The following RYR3 variants were observed in gnomAD, a reference collection of about 807,000 sequenced individuals.
The protein encoded by RYR3 is ryanodine receptor 3.
RYR3 carries 207 observed loss-of-function variants against 584.3 expected under a neutral mutation model. The observed-to-expected ratio is 0.35, with a 90% CI of 0.32 to 0.40. RYR3 has a LOEUF of 0.40. RYR3 is among the 10% of genes least tolerant of loss of function. The pLI is 1.00. For synonymous variants in RYR3, 2,416 were observed against 2,248.5 expected, an observed-to-expected ratio of 1.07 and a Z score of -2.11; for missense variants, 5,616 against 6,089.2, an observed-to-expected ratio of 0.92 and a Z score of 2.59.
chr15:33,760,923 C>G (rs1205237810), intron 60 of RYR3, among the ~76,000 whole-genome samples: 1 of 152,162 alleles, frequency 6.6e-6, no homozygotes, highest in Non-Finnish European at 1.5e-5. Flanking sequence ...TGCAATCAAA[C>G]TAGAACTCAG....
chr15:33,664,715 T>C (rs373926170), intron 36 of RYR3, among the ~76,000 whole-genome samples: 2 of 151,504 alleles, frequency 1.3e-5, no homozygotes, highest in African/African-American at 4.8e-5. Flanking sequence ...TTGTTTGGAT[T>C]GCTTAGCATG....
At chr15:33,494,826 C>A (rs1218791566) in intron 2 of RYR3, among the ~76,000 whole-genome samples, 1 of 152,132 alleles carries the variant, frequency 6.6e-6, no homozygotes, top group Non-Finnish European at 1.5e-5. Flanking sequence ...TAGCAAAATA[C>A]CTTTTTAATT....
At chr15:33,574,032 A>T (rs754274625) in intron 12 of RYR3, among the ~76,000 whole-genome samples, 1 of 152,164 alleles carries the variant, frequency 6.6e-6, no homozygotes, top group Non-Finnish European at 1.5e-5. Flanking sequence ...GACCTGAAGT[A>T]CCCTGGCAAT....
At chr15:33,818,753 C>T (rs1485962335) in intron 76 of RYR3, 69 bp downstream of exon 76, 22 of 1,111,992 alleles carry the variant, frequency 2.0e-5, no homozygotes, top group Non-Finnish European at 2.8e-5. Flanking sequence ...TGACCTTCTT[C>T]TCTCAGACGG....
intron 1 of RYR3, among the ~76,000 whole-genome samples, chr15:33,388,584 T>C (rs756798322): frequency 2.4e-4 from 36 of 152,264 alleles, no homozygotes; most frequent in Non-Finnish European, 4.1e-4. Context: ...CAAGGACAAG[T>C]ATAAATCCCA....
Position 33,739,856 on chromosome 15 carries a change from A to G in RYR3, c.7681A>G (p.Met2561Val). The part of the protein sequence containing the change: ...HKKYDPDLFR[M>V]ALPCLSAIAG... ...GAAATATGACCCAGATCTTTTCCGAATGGCCCTGCCTTGTCTCAGTGCTAT... is the reference window on the plus strand; with the variant it reads ...GAAATATGACCCAGATCTTTTCCGAGTGGCCCTGCCTTGTCTCAGTGCTAT... Residue 2561 changes from methionine to valine, a missense_variant, in exon 51 of 104, where the codon ATG (methionine) becomes GTG (valine). Around this residue, in one of 9 missense-constraint regions of RYR3, gnomAD observed 1,280 missense variants for 1,426.2 expected, o/e 0.90. Transcript: ENST00000634891. 6.2e-7 allele frequency: 1 copy of G among 1,613,502 alleles called. No homozygotes were observed. Among genetic ancestry groups the G allele is most frequent in the Non-Finnish European group, 8.5e-7 (1 of 1,179,740 alleles).
At chr15:33,859,847 T>A in intron 100 of RYR3, 116 bp downstream of exon 100, 2 of 1,167,832 alleles carry the variant, frequency 1.7e-6, no homozygotes, top group East Asian at 2.6e-5. Flanking sequence ...TACTTGTTAA[T>A]TTAGCAAGAA....
chr15:33,673,486 A>G (rs1411722565), intron 38 of RYR3, among the ~76,000 whole-genome samples: 1 of 152,266 alleles, frequency 6.6e-6, no homozygotes, highest in Non-Finnish European at 1.5e-5. Flanking sequence ...GATAATGAAC[A>G]AGTGAAAAAA....
At chr15:33,461,137 G>T (rs1456717349) in intron 1 of RYR3, among the ~76,000 whole-genome samples, 1 of 151,534 alleles carries the variant, frequency 6.6e-6, no homozygotes, top group Non-Finnish European at 1.5e-5. Flanking sequence ...GTAGAGACGG[G>T]GTTTCACCGT....
intron 1 of RYR3, among the ~76,000 whole-genome samples, chr15:33,401,184 T>G (rs1392785953): frequency 2.0e-5 from 3 of 152,250 alleles, no homozygotes; most frequent in African/African-American, 7.2e-5. Context: ...CAGTACTGCT[T>G]TGTTGGGGCA....
At chr15:33,441,761 A>G (rs1041876801) in intron 1 of RYR3, among the ~76,000 whole-genome samples, 2 of 152,212 alleles carry the variant, frequency 1.3e-5, no homozygotes, top group Non-Finnish European at 2.9e-5. Flanking sequence ...TTATTTCTGC[A>G]AATGTCTTAA....
intron 1 of RYR3, among the ~76,000 whole-genome samples, chr15:33,375,479 A>G (rs2040658211): frequency 1.3e-5 from 2 of 152,150 alleles, no homozygotes; most frequent in Non-Finnish European, 2.9e-5. Flanking sequence ...AATCCAGATA[A>G]AATAGAGAAG....
At chr15:33,359,999 A>T (rs1354999663) in intron 1 of RYR3, among the ~76,000 whole-genome samples, 1 of 151,998 alleles carries the variant, frequency 6.6e-6, no homozygotes, top group Non-Finnish European at 1.5e-5. Context: ...GGCATTTATC[A>T]TTATGAATTG....
chr15:33,789,986 C>CTTTTTTTTTTTTTTTTTTTTTTTT (rs757370991), intron 67 of RYR3, among the ~76,000 whole-genome samples: 2 of 53,256 alleles, frequency 3.8e-5, no homozygotes, highest in African/African-American at 2.1e-4. Flanking sequence ...GCCTGGCCTT[C>CTTTTTTTTTTTTTTTTTTTTTTTT]TTTTTTTTTT....
At chr15:33,389,281 A>G (rs1031933245) in intron 1 of RYR3, among the ~76,000 whole-genome samples, 3 of 152,214 alleles carry the variant, frequency 2.0e-5, no homozygotes, top group Admixed American at 2.0e-4. Context: ...GTAATTACAA[A>G]GGAAACCCAT....
Position 33,736,166 on chromosome 15 carries a change from T to G in RYR3, c.7425-69T>G, listed in dbSNP as rs115717507. ...GCTGTAATATGCTTATTGTTCAGTGTTTCTTTCATTCCTCCTTTATTATTA... is the reference window on the plus strand; with the variant it reads ...GCTGTAATATGCTTATTGTTCAGTGGTTCTTTCATTCCTCCTTTATTATTA... On this transcript the variant is annotated intron_variant, in intron 48 of 103. Transcript: ENST00000634891. The G allele has an allele frequency of 1.2e-3, 1,256 of 1,029,652 alleles. 7 individuals carry two copies. The African/African-American group carries it at 0.017, about 14-fold the overall frequency. The allele number at this position is 1,029,652 out of a possible 1,614,324, so 63.8% of individuals were successfully genotyped here.
intron 1 of RYR3, among the ~76,000 whole-genome samples, chr15:33,418,973 C>G (rs2044028888): frequency 6.6e-6 from 1 of 152,054 alleles, no homozygotes. Flanking sequence ...TGCAGGCAAA[C>G]ACAGAAAGGT....
At chr15:33,704,476 C>T (rs2066542944) in intron 42 of RYR3, among the ~76,000 whole-genome samples, 1 of 152,174 alleles carries the variant, frequency 6.6e-6, no homozygotes, top group African/African-American at 2.4e-5. Flanking sequence ...CTCCTGCATA[C>T]ACACAAGACT....
chr15:33,731,628 C>T lies in RYR3; in HGVS notation c.7358C>T (p.Ser2453Phe). 1 of 1,613,874 alleles carries T rather than the reference C, an allele frequency of 6.2e-7. No individual in the cohort carries two copies. The highest frequency in any genetic ancestry group is 1.3e-5 in the African/African-American group (1 of 75,044). The change falls in exon 48 of 104, where the codon TCC becomes TTC. Residue 2453 changes from serine (S) to phenylalanine (F), a missense_variant. Transcript: ENST00000634891. ...ACACTGCAGACAATATACAGGCTAT[C>T]CAAGGGACGTTCCCTCACCAAAGCA... ...DSTLQTIYRL[S>F]KGRSLTKAQR...
Sources: allele counts gnomAD v4.1 joint callset (sites outside exome capture counted in the v4.1 genomes callset), GRCh38; gene constraint gnomAD v4.1.1; regional missense constraint gnomAD v4.1.1; transcripts MANE v1.5; gene names NCBI Gene and HGNC (gene_info 2026-07-23, HGNC 2026-07-21).